NDUFA10: variants seen among roughly 807,000 people sequenced by gnomAD.
NDUFA10 encodes the protein NADH dehydrogenase [ubiquinone] 1 alpha subcomplex subunit 10, mitochondrial.
NDUFA10 carries 40 observed loss-of-function variants against 47.8 expected under a neutral mutation model. The ratio of observed to expected loss-of-function variants is 0.84; its 90% CI spans 0.65 to 1.09. NDUFA10 has a LOEUF of 1.09. NDUFA10 is among the 50% of genes least tolerant of loss of function. The pLI is 0.00. For missense variants in NDUFA10, 413 were observed against 451.1 expected (o/e 0.92, Z 0.76); for synonymous variants, 183 against 172.2 (o/e 1.06, Z -0.49).
At chr2:239,982,116 TG>T (rs748067069) in intron 9 of NDUFA10, 2 of 1,612,742 alleles carry the variant, frequency 1.2e-6, no homozygotes, top group South Asian at 1.1e-5. Flanking sequence ...CACGTGTACC[TG>T]AAGACCGATG....
chr2:239,911,666 A>AGTGTGTGT (rs1271984352), intron 4 of NDUFA10, among the ~76,000 whole-genome samples: 206 of 86,338 alleles, frequency 2.4e-3, no homozygotes, highest in African/African-American at 8.3e-3. Context: ...CCAAAACATG[A>AGTGTGTGT]GAGAGTGTGT....
intron 4 of NDUFA10, among the ~76,000 whole-genome samples, chr2:239,916,624 C>T (rs1693884045): frequency 6.6e-6 from 1 of 152,252 alleles, no homozygotes; most frequent in Admixed American, 6.5e-5. Context: ...ACATTTATTT[C>T]CTCCCCATTC....
chr2:239,969,376 C>G, intron 9 of NDUFA10: 1 of 215,398 alleles, frequency 4.6e-6, no homozygotes, highest in Non-Finnish European at 9.6e-6. Flanking sequence ...TGAAAATGTG[C>G]TCTGCCGAGC....
chr2:240,010,781 G>A (rs1321352249), intron 6 of NDUFA10, among the ~76,000 whole-genome samples: 1 of 152,080 alleles, frequency 6.6e-6, no homozygotes, highest in African/African-American at 2.4e-5. Flanking sequence ...TTCTAAGGCT[G>A]TTCATTGTAA....
At chr2:239,924,347 C>T (rs1044890919) in intron 4 of NDUFA10, among the ~76,000 whole-genome samples, 3 of 152,050 alleles carry the variant, frequency 2.0e-5, no homozygotes, top group Admixed American at 2.0e-4. Flanking sequence ...AATCATACCC[C>T]ACAATCAAGT....
downstream of NDUFA10, among the ~76,000 whole-genome samples, chr2:239,956,065 G>A (rs189075359): frequency 2.6e-5 from 4 of 152,268 alleles, no homozygotes; most frequent in African/African-American, 4.8e-5. Flanking sequence ...GGGACTGGGA[G>A]TTTCTGAATG....
In NDUFA10 at chr2:239,960,257, G is replaced by C. The variant is rs551167199; in HGVS notation, c.*861C>G. On this transcript the variant is annotated 3_prime_UTR_variant, in exon 10 of 10. Coordinates refer to ENST00000252711, the MANE Select transcript of NDUFA10 (RefSeq NM_004544.4). ...ACTGACAGCTTGATTCCTAAACCAT[G>C]ATGCTGAACCACAACCAGCTTGTTT... 11 of 985,590 alleles carry C rather than the reference G, an allele frequency of 1.1e-5. No homozygotes were observed. The South Asian group carries it at 4.2e-4, about 38-fold the overall frequency. 61.1% of individuals were successfully genotyped at this position (985,590 alleles called of 1,614,324 possible).
At chr2:239,970,039 C>T (rs1265393351) in intron 9 of NDUFA10, among the ~76,000 whole-genome samples, 1 of 152,128 alleles carries the variant, frequency 6.6e-6, no homozygotes, top group Admixed American at 6.5e-5. Flanking sequence ...ACCCAAGAAA[C>T]TCAATAAACC....
At chr2:239,943,867 C>A (rs1694401131) in intron 4 of NDUFA10, among the ~76,000 whole-genome samples, 1 of 152,154 alleles carries the variant, frequency 6.6e-6, no homozygotes. Context: ...GATGAGGGGT[C>A]TAGGGTTTAG....
chr2:239,937,786 C>T (rs933881000), intron 4 of NDUFA10, among the ~76,000 whole-genome samples: 1 of 152,342 alleles, frequency 6.6e-6, no homozygotes, highest in East Asian at 1.9e-4. Flanking sequence ...ACTGACAACA[C>T]ACAAGGGTTC....
chr2:239,963,342 G>A (rs1694930739), intron 9 of NDUFA10, among the ~76,000 whole-genome samples: 1 of 152,168 alleles, frequency 6.6e-6, no homozygotes. Flanking sequence ...GACCCTCCAG[G>A]GCCAGGGGGA....
intron 1 of NDUFA10, among the ~76,000 whole-genome samples, chr2:240,024,351 C>G (rs184706887): frequency 1.5e-4 from 23 of 152,272 alleles, no homozygotes; most frequent in African/African-American, 5.3e-4. Context: ...TCCAAGTATT[C>G]AAGGCGTCTG....
intron 4 of NDUFA10, among the ~76,000 whole-genome samples, chr2:239,933,920 C>T (rs559771419): frequency 1.2e-4 from 18 of 152,240 alleles, no homozygotes; most frequent in African/African-American, 3.1e-4. Context: ...TGGAGTGACA[C>T]GATCACAGCT....
At chr2:239,946,865 G>A (rs1252908954) in intron 4 of NDUFA10, among the ~76,000 whole-genome samples, 1 of 152,244 alleles carries the variant, frequency 6.6e-6, no homozygotes, top group East Asian at 1.9e-4. Context: ...AATGCCTGCT[G>A]TGTGTCTTTG....
intron 4 of NDUFA10, chr2:240,018,031 G>A (rs1311637089): frequency 1.3e-6 from 1 of 767,180 alleles, no homozygotes; most frequent in Non-Finnish European, 2.2e-6. Context: ...CTTCAAACCA[G>A]GGGGTCTTTG....
Position 239,961,074 on chromosome 2 carries a change from G to C in NDUFA10, c.*44C>G, listed in dbSNP as rs1368801845. On this transcript the variant is annotated 3_prime_UTR_variant, in exon 10 of 10. Transcript: ENST00000252711. ...CGTCCAGGAGAGTGCGGCTGATGCA[G>C]CTTGGCCATCACTGTGATGCAGCTG... 3.1e-6 allele frequency: 5 copies of C among 1,613,374 alleles called. No homozygotes were observed. Among genetic ancestry groups the C allele is most frequent in the Non-Finnish European group, 4.2e-6 (5 of 1,179,824 alleles).
At chr2:239,894,015 A>T (rs1693344711) in intron 5 of NDUFA10, among the ~76,000 whole-genome samples, 1 of 93,392 alleles carries the variant, frequency 1.1e-5, no homozygotes, top group Non-Finnish European at 2.1e-5. Flanking sequence ...TCCTAGCCTC[A>T]TTCCCTCTCC....
At chr2:239,911,623 A>C (rs926953682) in intron 4 of NDUFA10, among the ~76,000 whole-genome samples, 5 of 152,104 alleles carry the variant, frequency 3.3e-5, no homozygotes, top group Admixed American at 1.3e-4. Context: ...AAAAGCACCC[A>C]AAAACACTTA....
chr2:239,972,807 T>C (rs1312836507), intron 9 of NDUFA10, among the ~76,000 whole-genome samples: 1 of 152,250 alleles, frequency 6.6e-6, no homozygotes, highest in East Asian at 1.9e-4. Flanking sequence ...CTGTGAATAA[T>C]AGAAAAGCTC....
Sources: gnomAD v4.1 joint callset for allele counts (sites outside exome capture counted in the v4.1 genomes callset) on GRCh38, gnomAD v4.1.1 for gene constraint, MANE v1.5 for transcripts, NCBI Gene and HGNC (gene_info 2026-07-23, HGNC 2026-07-21) for gene names.